Variants in ABCB5 observed in about 807,000 individuals in gnomAD.
ABCB5 encodes ATP-binding cassette sub-family B member 5.
Under a neutral mutation model 144.2 loss-of-function variants are expected in ABCB5, and 155 were observed. That is an observed-to-expected ratio of 1.08 (90% CI 0.94 to 1.23). ABCB5 has a LOEUF of 1.23. Among genes scored for constraint, ABCB5 ranks in the 50% most tolerant of loss-of-function variants. The probability of loss-of-function intolerance (pLI) is 0.00; values close to 1 mark genes in which losing one functional copy is unlikely to be tolerated. For missense variants in ABCB5, 1,830 were observed against 1,520.8 expected, an observed-to-expected ratio of 1.20 and a Z score of -3.38; for synonymous variants, 610 against 528.6, an observed-to-expected ratio of 1.15 and a Z score of -2.11.
At chr7:20,698,599 G>T in intron 17 of ABCB5, 49 bp downstream of exon 17, 1 of 1,515,302 alleles carries the variant, frequency 6.6e-7, no homozygotes, top group South Asian at 1.3e-5. Flanking sequence ...AAGAAAGTAT[G>T]ACCTGAGAGA....
intron 10 of ABCB5, 99 bp downstream of exon 10, chr7:20,647,747 A>G: frequency 6.7e-7 from 1 of 1,488,718 alleles, no homozygotes; most frequent in South Asian, 1.3e-5. Context: ...AGGATGGACA[A>G]ATTTAATGTT....
At chr7:20,669,065 C>G (rs548583534) in intron 14 of ABCB5, among the ~76,000 whole-genome samples, 60 of 149,862 alleles carry the variant, frequency 4.0e-4, no homozygotes, top group African/African-American at 1.4e-3. Flanking sequence ...GTGAGGAGCC[C>G]CTCTGCCTGG....
At chr7:20,739,746 G>A (rs2128054517) in intron 24 of ABCB5, among the ~76,000 whole-genome samples, 2 of 151,834 alleles carry the variant, frequency 1.3e-5, no homozygotes, top group African/African-American at 4.8e-5. Flanking sequence ...TATATGCAAA[G>A]TAAATAATAT....
At chr7:20,700,167 A>C in intron 19 of ABCB5, 32 bp downstream of exon 19, 1 of 1,498,860 alleles carries the variant, frequency 6.7e-7, no homozygotes, top group Non-Finnish European at 9.0e-7. Context: ...TTTTTATTTT[A>C]TTTAAAATTT....
intron 14 of ABCB5, among the ~76,000 whole-genome samples, chr7:20,678,170 A>T (rs1785675235): frequency 6.6e-6 from 1 of 152,230 alleles, no homozygotes; most frequent in African/African-American, 2.4e-5. Context: ...AAATTTTTTT[A>T]AAACATAATT....
chr7:20,652,076 G>A (rs750286063), intron 13 of ABCB5, among the ~76,000 whole-genome samples: 1 of 152,152 alleles, frequency 6.6e-6, no homozygotes, highest in Non-Finnish European at 1.5e-5. Flanking sequence ...TGAAAGATAT[G>A]TTAAAGCATA....
At position 20,755,614 on chromosome 7, in the gene ABCB5, C is replaced by A; in HGVS notation, c.3764C>A (p.Ser1255Ter). ...DIYFKLVNAQ[S>*]VQ ...TATTTTAAGTTAGTGAATGCACAGT[C>A]AGTGCAGTGATGCTGTTGAGGTAGC... Residue 1255 changes from serine to a stop codon, truncating the protein, a stop_gained, in exon 28 of 28, where the codon TCA (serine) becomes TAA (stop). Coordinates refer to ENST00000404938, the MANE Select transcript of ABCB5 (RefSeq NM_001163941.2). LOFTEE classifies it high-confidence loss of function. 2 of 1,614,012 alleles carry A rather than the reference C, an allele frequency of 1.2e-6. No individual in the cohort carries two copies. The highest frequency in any genetic ancestry group is 2.2e-5 in the South Asian group (2 of 91,048).
intron 4 of ABCB5, among the ~76,000 whole-genome samples, chr7:20,631,770 C>G (rs1259056170): frequency 6.6e-6 from 1 of 152,076 alleles, no homozygotes; most frequent in East Asian, 1.9e-4. Flanking sequence ...CTATTACTTT[C>G]CTGATTGTTG....
At chr7:20,752,197 C>A (rs1485334580) in intron 26 of ABCB5, among the ~76,000 whole-genome samples, 2 of 151,918 alleles carry the variant, frequency 1.3e-5, no homozygotes, top group Non-Finnish European at 2.9e-5. Flanking sequence ...ACCCTTGGAC[C>A]AGCTTTCTCA....
At position 20,728,311 on chromosome 7, in the gene ABCB5, C is replaced by G; in HGVS notation, c.2727-4C>G. On this transcript the variant is annotated splice_region_variant and splice_polypyrimidine_tract_variant and intron_variant, in intron 22 of 27. Transcript: ENST00000404938. Reference sequence around the variant, plus strand: ...CATTATTTGGTAAATTTTGTACATTCCAGAAATACCTCGAAGAAAGCACAG... The same window carrying G: ...CATTATTTGGTAAATTTTGTACATTGCAGAAATACCTCGAAGAAAGCACAG... 3 of 1,613,320 alleles carry G rather than the reference C, an allele frequency of 1.9e-6. No homozygotes were observed. Among genetic ancestry groups the G allele is most frequent in the Non-Finnish European group, 2.5e-6 (3 of 1,179,560 alleles).
chr7:20,627,349 G>T (rs1324158245), intron 3 of ABCB5, among the ~76,000 whole-genome samples: 1 of 152,160 alleles, frequency 6.6e-6, no homozygotes, highest in Non-Finnish European at 1.5e-5. Flanking sequence ...TGTCCGTAAT[G>T]CTGAATGCAA....
At chr7:20,751,142 C>T (rs1336557461) in intron 26 of ABCB5, among the ~76,000 whole-genome samples, 1 of 152,154 alleles carries the variant, frequency 6.6e-6, no homozygotes, top group Non-Finnish European at 1.5e-5. Flanking sequence ...TATTAAGGAG[C>T]CATTACCCCT....
rs764047448 is a variant in ABCB5 at position 20,739,112 on chromosome 7, C to T, written c.2997C>T (p.Asp999=). ...FALLEKKPNI[D]SRSQEGKKPD... ...TGTTGGAAAAGAAACCAAATATAGA[C>T]AGCCGCAGTCAAGAAGGGAAAAAGC... Residue 999 remains aspartate, a synonymous_variant, in exon 24 of 28, where the codon GAC becomes GAT. Transcript: ENST00000404938. 6 of 1,605,944 alleles carry T rather than the reference C, an allele frequency of 3.7e-6. No homozygotes were observed. In the African/African-American group the frequency reaches 8.1e-5, roughly 22 times the overall value.
At chr7:20,647,320 T>C in intron 9 of ABCB5, 1 of 1,306,880 alleles carries the variant, frequency 7.7e-7, no homozygotes. Context: ...AGGCCAAGGA[T>C]ACTTGGATTA....
chr7:20,676,146 A>G (rs575707114), intron 14 of ABCB5, among the ~76,000 whole-genome samples: 1 of 147,874 alleles, frequency 6.8e-6, no homozygotes, highest in Non-Finnish European at 1.5e-5. Context: ...TTACCATGTG[A>G]CCCAGCAATT....
At position 20,727,073 on chromosome 7, in the gene ABCB5, A is replaced by G. The variant is rs1302856429; in HGVS notation, c.2659A>G (p.Ile887Val). ...ATEALENIRTIVSLTREKAFE... is the reference protein window; with the variant it reads ...ATEALENIRTVVSLTREKAFE... ...TGAAGCTTTGGAGAATATACGTACTATAGTGTCATTAACAAGGGAAAAAGC... is the reference window on the plus strand; with the variant it reads ...TGAAGCTTTGGAGAATATACGTACTGTAGTGTCATTAACAAGGGAAAAAGC... The change falls in exon 22 of 28, where the codon ATA becomes GTA. Residue 887 changes from isoleucine (I) to valine (V), a missense_variant. Ile to Val is a conservative substitution (Grantham distance 29). Transcript: ENST00000404938. The G allele has an allele frequency of 1.8e-5, 29 of 1,613,578 alleles. No homozygotes were observed. Among genetic ancestry groups the G allele is most frequent in the Non-Finnish European group, 2.3e-5 (27 of 1,179,700 alleles).
At chr7:20,734,220 T>C (rs1782313007) in intron 23 of ABCB5, among the ~76,000 whole-genome samples, 1 of 151,914 alleles carries the variant, frequency 6.6e-6, no homozygotes, top group Non-Finnish European at 1.5e-5. Flanking sequence ...TAGAAGACTC[T>C]GTACCTTCCA....
chr7:20,631,372 T>C (rs1311111782), intron 4 of ABCB5, among the ~76,000 whole-genome samples: 1 of 152,176 alleles, frequency 6.6e-6, no homozygotes, highest in African/African-American at 2.4e-5. Flanking sequence ...TATGTGATGA[T>C]GTTATGGTTA....
chr7:20,658,772 G>T, intron 14 of ABCB5, 96 bp downstream of exon 14: 1 of 1,398,472 alleles, frequency 7.2e-7, no homozygotes, highest in Non-Finnish European at 9.7e-7. Context: ...TACTCAAGTT[G>T]AGAGCCCTCT....
Sources: allele counts gnomAD v4.1 joint callset (sites outside exome capture counted in the v4.1 genomes callset), GRCh38; gene constraint gnomAD v4.1.1; transcripts MANE v1.5; gene names NCBI Gene and HGNC (gene_info 2026-07-23, HGNC 2026-07-21).